Variants in UNC13C observed in about 807,000 individuals in gnomAD.
UNC13C encodes the protein unc-13 homolog C, also known as protein unc-13 homolog C.
In UNC13C, 174 loss-of-function variants were observed where a neutral mutation model predicts 245.4. The ratio of observed to expected loss-of-function variants is 0.71; its 90% CI spans 0.63 to 0.80. UNC13C has a LOEUF of 0.80. UNC13C is among the 30% of genes least tolerant of loss of function. The pLI is 0.00. For synonymous variants in UNC13C, 992 were observed against 895.1 expected, an observed-to-expected ratio of 1.11 and a Z score of -1.93; for missense variants, 2,829 against 2,602.9, an observed-to-expected ratio of 1.09 and a Z score of -1.89.
chr15:53,887,714 C>G, the UNC13C span, among the ~76,000 whole-genome samples: 3 of 151,938 alleles, frequency 2.0e-5, no homozygotes, highest in Non-Finnish European at 4.4e-5. Context: ...CCCTCCACTA[C>G]GCCCCACCCC....
chr15:54,520,057 A>G (rs1481239446), intron 24 of UNC13C, among the ~76,000 whole-genome samples: 38 of 152,178 alleles, frequency 2.5e-4, no homozygotes, highest in Admixed American at 2.2e-3. Flanking sequence ...AGCTTGAAGG[A>G]TGATACGCCA....
intron 4 of UNC13C, among the ~76,000 whole-genome samples, chr15:54,211,752 C>A (rs937914979): frequency 6.6e-6 from 1 of 152,100 alleles, no homozygotes; most frequent in Non-Finnish European, 1.5e-5. Flanking sequence ...CCATATTTGG[C>A]AGATCTAACA....
chr15:53,933,763 T>G, the UNC13C span, among the ~76,000 whole-genome samples: 1 of 152,170 alleles, frequency 6.6e-6, no homozygotes, highest in Non-Finnish European at 1.5e-5. Flanking sequence ...TGGTGACCAT[T>G]TATTGAACTT....
chr15:54,354,667 T>C (rs2039054288), intron 17 of UNC13C, among the ~76,000 whole-genome samples: 1 of 152,184 alleles, frequency 6.6e-6, no homozygotes, highest in African/African-American at 2.4e-5. Context: ...TCAGTGATAG[T>C]AAGAGGAACA....
chr15:54,385,893 T>C (rs1287820786), intron 17 of UNC13C, among the ~76,000 whole-genome samples: 1 of 152,064 alleles, frequency 6.6e-6, no homozygotes, highest in African/African-American at 2.4e-5. Context: ...GAAAATCAAA[T>C]GGAAATTAAC....
chr15:54,485,246 A>G (rs538063438), intron 19 of UNC13C, among the ~76,000 whole-genome samples: 3 of 152,362 alleles, frequency 2.0e-5, no homozygotes, highest in South Asian at 2.1e-4. Context: ...ACTGGATACA[A>G]TCTTTACATT....
rs535300078 is a variant in UNC13C, at chr15:54,244,421, G to A, written c.3229-5804G>A. ...TGGGTAAGGTGATGCCTACAACTTT[G>A]TTATTTTTACTTAGGATTGTCTTGG... On this transcript the variant is annotated intron_variant, in intron 7 of 32. Transcript: ENST00000260323. Among the ~76,000 whole-genome samples, 276 of 152,206 alleles carry A rather than the reference G, an allele frequency of 1.8e-3. 1 individual carries two copies. Among genetic ancestry groups the A allele is most frequent in the Non-Finnish European group, 3.4e-3 (231 of 67,980 alleles).
intron 24 of UNC13C, among the ~76,000 whole-genome samples, chr15:54,518,422 C>G (rs572602862): frequency 4.4e-4 from 67 of 152,040 alleles, no homozygotes; most frequent in Non-Finnish European, 8.8e-4. Context: ...TCACCTCTCT[C>G]TGAACCTTAA....
intron 4 of UNC13C, among the ~76,000 whole-genome samples, chr15:54,170,673 T>G (rs1229459348): frequency 1.3e-5 from 2 of 152,138 alleles, no homozygotes; most frequent in African/African-American, 4.8e-5. Flanking sequence ...TTTAAGCTAT[T>G]TGAATGTTAG....
intron 10 of UNC13C, among the ~76,000 whole-genome samples, chr15:54,290,560 A>G (rs1720412044): frequency 6.6e-6 from 1 of 152,086 alleles, no homozygotes; most frequent in South Asian, 2.1e-4. Flanking sequence ...TTGGAAAGAA[A>G]GATAATATTG....
At chr15:54,371,128 C>A (rs1254542402) in intron 17 of UNC13C, among the ~76,000 whole-genome samples, 1 of 152,044 alleles carries the variant, frequency 6.6e-6, no homozygotes, top group Non-Finnish European at 1.5e-5. Flanking sequence ...TCCTATCTAA[C>A]TGAAATTTTG....
intron 4 of UNC13C, among the ~76,000 whole-genome samples, chr15:54,211,730 T>A (rs1267158872): frequency 6.6e-6 from 1 of 152,070 alleles, no homozygotes; most frequent in African/African-American, 2.4e-5. Context: ...CTAGTGGGAT[T>A]TCATGGGATA....
the UNC13C span, among the ~76,000 whole-genome samples, chr15:53,928,139 T>A: frequency 6.6e-6 from 1 of 151,690 alleles, no homozygotes; most frequent in Non-Finnish European, 1.5e-5. Context: ...AATATAGAGG[T>A]GTGAAGTGGG....
At position 54,544,244 on chromosome 15, in the gene UNC13C, G is replaced by T. The variant is rs182072675; in HGVS notation, c.5697-2478G>T. ...AAAAGGCCTTTGATAAAATTCAACA[G>T]CCCTTGATGCTAAAAAAACTCTCAA... On this transcript the variant is annotated intron_variant, in intron 26 of 32. Transcript: ENST00000260323. Among the ~76,000 whole-genome samples, 102 of 152,032 alleles carry T rather than the reference G, an allele frequency of 6.7e-4. 1 individual carries two copies. Among genetic ancestry groups the T allele is most frequent in the Non-Finnish European group, 1.1e-3 (78 of 67,940 alleles).
the UNC13C span, among the ~76,000 whole-genome samples, chr15:53,895,058 C>A: frequency 1.8e-4 from 28 of 151,822 alleles, no homozygotes; most frequent in Admixed American, 1.8e-3. Context: ...TTATTAGGAT[C>A]ATTCCTTAGA....
At chr15:53,908,169 A>G in the UNC13C span, among the ~76,000 whole-genome samples, 23 of 146,416 alleles carry the variant, frequency 1.6e-4, 1 homozygote, top group African/African-American at 5.6e-4. Context: ...GTGCCCACTC[A>G]TTGTCCACAG....
In UNC13C at chr15:54,494,635, G is replaced by T. The variant is rs1893869686; in HGVS notation, c.4961G>T (p.Ser1654Ile). The change falls in exon 20 of 33, where the codon AGC becomes ATC. Residue 1654 changes from serine to isoleucine, a missense_variant. Coordinates refer to ENST00000260323, the MANE Select transcript of UNC13C (RefSeq NM_001080534.3). ...CATGAAAATCAGCGGTTATGCAAGA[G>T]CACCGATTATATGAATTTGCATTTC... is the stretch of plus-strand genomic sequence containing the variant. ...EEHENQRLCK[S>I]TDYMNLHFKV... is the part of the protein sequence containing the mutation. 1 of 1,609,856 alleles carries T rather than the reference G, an allele frequency of 6.2e-7. No individual in the cohort carries two copies. The highest frequency in any genetic ancestry group is 1.7e-5 in the Admixed American group (1 of 59,478).
chr15:53,989,664 C>T (rs1022881018), intron 1 of UNC13C, among the ~76,000 whole-genome samples: 8 of 151,912 alleles, frequency 5.3e-5, no homozygotes, highest in Admixed American at 5.3e-4. Flanking sequence ...CTCCAGGGAA[C>T]GAGCTTTTTG....
At chr15:54,616,727 C>G (rs1371669858) in intron 30 of UNC13C, among the ~76,000 whole-genome samples, 1 of 151,948 alleles carries the variant, frequency 6.6e-6, no homozygotes, top group Non-Finnish European at 1.5e-5. Context: ...AGAAAGTTTA[C>G]TTTATTATTG....
Sources: gnomAD v4.1 joint callset for allele counts (sites outside exome capture counted in the v4.1 genomes callset) on GRCh38, gnomAD v4.1.1 for gene constraint, MANE v1.5 for transcripts, NCBI Gene and HGNC (gene_info 2026-07-23, HGNC 2026-07-21) for gene names.